Variants in BNC2 observed in about 807,000 individuals in gnomAD.
BNC2 encodes the protein basonuclin zinc finger protein 2.
A neutral mutation model predicts 76.3 loss-of-function variants in BNC2; 20 were observed. The observed-to-expected ratio is 0.26, with a 90% CI of 0.18 to 0.38. The LOEUF (loss-of-function observed/expected upper bound fraction) is 0.38. Among genes scored for constraint, BNC2 ranks in the 10% least tolerant of loss-of-function variants. BNC2 has a pLI of 1.00. For missense variants in BNC2, 1,382 were observed against 1,399.8 expected, an observed-to-expected ratio of 0.99 and a Z score of 0.20; for synonymous variants, 582 against 514.8, an observed-to-expected ratio of 1.13 and a Z score of -1.77.
chr9:16,792,169 C>A (rs1817529490), intron 1 of BNC2, among the ~76,000 whole-genome samples: 1 of 151,446 alleles, frequency 6.6e-6, no homozygotes, highest in African/African-American at 2.4e-5. Flanking sequence ...GCACCAGGAA[C>A]TATTTTAAGA....
intron 3 of BNC2, among the ~76,000 whole-genome samples, chr9:16,700,071 G>A (rs762659193): frequency 3.3e-5 from 5 of 152,134 alleles, no homozygotes; most frequent in Admixed American, 2.0e-4. Context: ...ATATGTATAT[G>A]TCTTTAATAG....
chr9:16,849,486 G>C (rs924999883), intron 1 of BNC2, among the ~76,000 whole-genome samples: 1 of 148,386 alleles, frequency 6.7e-6, no homozygotes, highest in Non-Finnish European at 1.5e-5. Flanking sequence ...AGCCCCCAAA[G>C]TAGCTGAGAT....
chr9:16,870,580 T>C, intron 1 of BNC2, 66 bp downstream of exon 1: 1 of 1,586,366 alleles, frequency 6.3e-7, no homozygotes, highest in Non-Finnish European at 8.6e-7. Flanking sequence ...CCGGTGGCGC[T>C]CGGGCGCGGG....
chr9:16,497,912 TCAC>T (rs1641964572), intron 5 of BNC2, among the ~76,000 whole-genome samples: 2 of 150,898 alleles, frequency 1.3e-5, no homozygotes. Context: ...GCAGCACAAT[TCAC>T]AACTGCAAAA....
intron 1 of BNC2, 92 bp from the exon 2 acceptor site, chr9:16,738,577 T>A: frequency 7.2e-7 from 1 of 1,391,400 alleles, no homozygotes; most frequent in Non-Finnish European, 1.0e-6. Context: ...ATTGCAAATA[T>A]AACACACCAA....
chr9:16,666,136 T>C (rs955264189), intron 3 of BNC2, among the ~76,000 whole-genome samples: 2 of 152,208 alleles, frequency 1.3e-5, no homozygotes, highest in South Asian at 2.1e-4. Flanking sequence ...TTTCAATAAA[T>C]AGGAGATCAT....
intron 5 of BNC2, among the ~76,000 whole-genome samples, chr9:16,522,400 C>T (rs769030315): frequency 3.3e-5 from 5 of 152,170 alleles, no homozygotes; most frequent in South Asian, 2.1e-4. Flanking sequence ...GAAGAAATAC[C>T]GGCATCTGGT....
chr9:16,602,581 T>C (rs920032712), intron 3 of BNC2, among the ~76,000 whole-genome samples: 4 of 152,204 alleles, frequency 2.6e-5, no homozygotes, highest in African/African-American at 9.6e-5. Flanking sequence ...CTCCCCACTC[T>C]ATGCCCACTC....
At chr9:16,659,364 C>T (rs868339611) in intron 3 of BNC2, among the ~76,000 whole-genome samples, 1 of 152,082 alleles carries the variant, frequency 6.6e-6, no homozygotes, top group Non-Finnish European at 1.5e-5. Flanking sequence ...AATCACAGCA[C>T]TTTGGGGGGC....
intron 1 of BNC2, among the ~76,000 whole-genome samples, chr9:16,856,062 T>C (rs1020910961): frequency 7.2e-5 from 11 of 152,192 alleles, no homozygotes; most frequent in African/African-American, 2.7e-4. Context: ...ATGCCATCCA[T>C]AAATATATGT....
chr9:16,810,301 G>GA lies in BNC2; in HGVS notation c.3+60344_3+60345insT, dbSNP rs764068366. On this transcript the variant is annotated intron_variant, in intron 1 of 6. Transcript: ENST00000380672. Reference sequence around the variant, plus strand: ...GTTCATTTACCTTGGCAGGGGTGGGGCTAGAAGCTGAGGTGAGACACAAGA... The same window carrying GA: ...GTTCATTTACCTTGGCAGGGGTGGGGACTAGAAGCTGAGGTGAGACACAAGA... Among the ~76,000 whole-genome samples the GA allele has an allele frequency of 2.0e-3, 301 of 152,306 alleles. 5 individuals are homozygous for GA. Among genetic ancestry groups the GA allele is most frequent in the Non-Finnish European group, 7.1e-4 (48 of 68,034 alleles).
intron 5 of BNC2, among the ~76,000 whole-genome samples, chr9:16,515,506 C>T (rs1193086290): frequency 1.3e-5 from 2 of 152,122 alleles, no homozygotes; most frequent in Non-Finnish European, 2.9e-5. Flanking sequence ...CAACTCCCCT[C>T]TGGCTGTCTG....
At chr9:16,623,296 T>C (rs1820913066) in intron 3 of BNC2, among the ~76,000 whole-genome samples, 1 of 152,164 alleles carries the variant, frequency 6.6e-6, no homozygotes, top group Non-Finnish European at 1.5e-5. Context: ...AGAGGGCATA[T>C]TGTACCAGAC....
chr9:16,572,580 C>T (rs984482562), intron 4 of BNC2, among the ~76,000 whole-genome samples: 1 of 152,092 alleles, frequency 6.6e-6, no homozygotes. Context: ...ATCAGTATTA[C>T]CCAGAAACCT....
intron 3 of BNC2, among the ~76,000 whole-genome samples, chr9:16,632,199 T>G (rs1210996624): frequency 6.9e-6 from 1 of 145,872 alleles, no homozygotes; most frequent in Non-Finnish European, 1.5e-5. Flanking sequence ...ATTCCCTCCT[T>G]TTTTTTAATC....
At chr9:16,679,429 G>A (rs1355832330) in intron 3 of BNC2, among the ~76,000 whole-genome samples, 1 of 152,182 alleles carries the variant, frequency 6.6e-6, no homozygotes, top group African/African-American at 2.4e-5. Context: ...TTCTACTCAT[G>A]AGCTAATATA....
intron 1 of BNC2, chr9:16,867,513 C>T (rs944289229): frequency 1.3e-5 from 2 of 152,052 alleles, no homozygotes; most frequent in East Asian, 1.9e-4. Context: ...CTAAATTGAA[C>T]TCCTCATATT....
intron 3 of BNC2, among the ~76,000 whole-genome samples, chr9:16,657,784 T>A (rs569120732): frequency 6.6e-6 from 1 of 152,326 alleles, no homozygotes; most frequent in East Asian, 1.9e-4. Context: ...CACAAATGCA[T>A]CAATGACATT....
intron 3 of BNC2, among the ~76,000 whole-genome samples, chr9:16,656,073 G>A (rs529945495): frequency 1.3e-5 from 2 of 152,346 alleles, no homozygotes; most frequent in Admixed American, 1.3e-4. Context: ...TCACAACTGA[G>A]TGTGGAGGAC....
Sources: gnomAD v4.1 joint callset for allele counts (sites outside exome capture counted in the v4.1 genomes callset) on GRCh38, gnomAD v4.1.1 for gene constraint, MANE v1.5 for transcripts, NCBI Gene and HGNC (gene_info 2026-07-23, HGNC 2026-07-21) for gene names.